Variants in ACAD11 observed in about 807,000 individuals in gnomAD.
ACAD11 encodes acyl-CoA dehydrogenase family member 11, also known as acyl-Coenzyme A dehydrogenase family, member 11.
Under a neutral mutation model 102.2 loss-of-function variants are expected in ACAD11, and 83 were observed. That is an observed-to-expected ratio of 0.81 (90% CI 0.68 to 0.97). The LOEUF is 0.97. ACAD11 is among the 50% of genes least tolerant of loss of function. The pLI is 0.00. For synonymous variants in ACAD11, 324 were observed against 319.8 expected, an observed-to-expected ratio of 1.01 and a Z score of -0.14; for missense variants, 901 against 951.7, an observed-to-expected ratio of 0.95 and a Z score of 0.70.
chr3:132,584,083 TG>T (rs1407885204), intron 13 of ACAD11, among the ~76,000 whole-genome samples: 2 of 152,230 alleles, frequency 1.3e-5, no homozygotes, highest in Non-Finnish European at 2.9e-5. Context: ...GTCCGCTTGG[TG>T]CAGAACTGAG....
intron 1 of ACAD11, among the ~76,000 whole-genome samples, chr3:132,653,980 C>G (rs537944290): frequency 1.3e-5 from 2 of 152,200 alleles, no homozygotes; most frequent in African/African-American, 4.8e-5. Context: ...ACATAACCAA[C>G]TGCTTACTAT....
At chr3:132,573,204 A>G (rs932743161) in intron 17 of ACAD11, among the ~76,000 whole-genome samples, 14 of 151,970 alleles carry the variant, frequency 9.2e-5, no homozygotes, top group Admixed American at 2.0e-4. Flanking sequence ...ATGCTTGGTC[A>G]TGTTTGCCCT....
chr3:132,647,225 C>T (rs1313994158), intron 1 of ACAD11: 1 of 152,124 alleles, frequency 6.6e-6, no homozygotes, highest in Non-Finnish European at 1.5e-5. Context: ...ACTGTCAATA[C>T]AGTACTTGCT....
intron 17 of ACAD11, among the ~76,000 whole-genome samples, chr3:132,570,516 T>C (rs1342845486): frequency 2.0e-5 from 3 of 152,178 alleles, no homozygotes; most frequent in Non-Finnish European, 2.9e-5. Flanking sequence ...TTTTATTTAC[T>C]TTTAACTTTT....
intron 2 of ACAD11, among the ~76,000 whole-genome samples, chr3:132,644,541 G>A (rs1005555417): frequency 2.0e-5 from 3 of 152,094 alleles, no homozygotes; most frequent in East Asian, 1.9e-4. Flanking sequence ...AGCAAACAAC[G>A]TAGAGGAAAA....
At chr3:132,626,542 T>C in intron 9 of ACAD11, 149 bp downstream of exon 9, 2 of 821,874 alleles carry the variant, frequency 2.4e-6, no homozygotes, top group African/African-American at 1.7e-5. Context: ...CCCTTTGTTC[T>C]ATCGTGGCTT....
chr3:132,567,013 C>T (rs111501580), intron 17 of ACAD11, among the ~76,000 whole-genome samples: 3,647 of 152,258 alleles, frequency 0.024, 153 homozygotes, highest in African/African-American at 0.082. Flanking sequence ...GAGTCTCACT[C>T]TATCTCCCAG....
intron 11 of ACAD11, among the ~76,000 whole-genome samples, chr3:132,615,061 A>G (rs981286206): frequency 6.6e-6 from 1 of 152,266 alleles, no homozygotes; most frequent in Non-Finnish European, 1.5e-5. Context: ...GTGCCCAACA[A>G]ACATATGAAA....
At chr3:132,622,617 T>C (rs557433570) in intron 9 of ACAD11, among the ~76,000 whole-genome samples, 2 of 152,320 alleles carry the variant, frequency 1.3e-5, no homozygotes, top group African/African-American at 4.8e-5. Flanking sequence ...CAAAGTTTAT[T>C]TGTGGCACGG....
intron 13 of ACAD11, among the ~76,000 whole-genome samples, chr3:132,598,451 A>C (rs1322277468): frequency 6.6e-6 from 1 of 152,224 alleles, no homozygotes; most frequent in Non-Finnish European, 1.5e-5. Context: ...AGGCACATTA[A>C]CAAGATTTTA....
Position 132,579,218 on chromosome 3 carries a change from T to C in ACAD11, c.1688+274A>G, listed in dbSNP as rs541825323. The C allele has an allele frequency of 2.0e-5, 14 of 691,666 alleles. No homozygotes were observed. In the East Asian group the frequency reaches 3.8e-4, roughly 19 times the overall value. 42.8% of individuals were successfully genotyped at this position (691,666 alleles called of 1,614,324 possible). ...CTTCATTACACAGGTCTGAAAAAATTTGTCTGATAATTTAATCCAAACAGC... is the reference window on the plus strand; with the variant it reads ...CTTCATTACACAGGTCTGAAAAAATCTGTCTGATAATTTAATCCAAACAGC... On this transcript the variant is annotated intron_variant, in intron 14 of 19. Coordinates refer to ENST00000264990, the MANE Select transcript of ACAD11 (RefSeq NM_032169.5).
At chr3:132,570,221 C>A (rs1299932713) in intron 17 of ACAD11, among the ~76,000 whole-genome samples, 1 of 152,134 alleles carries the variant, frequency 6.6e-6, no homozygotes, top group East Asian at 1.9e-4. Flanking sequence ...AGGAGGCATA[C>A]AAAACGTGTC....
At chr3:132,570,334 AATTCTAAACACAGAAT>A (rs1937338252) in intron 17 of ACAD11, among the ~76,000 whole-genome samples, 1 of 152,290 alleles carries the variant, frequency 6.6e-6, no homozygotes, top group Middle Eastern at 3.4e-3. Flanking sequence ...ATTGGTTTCC[AATTCTAAACACAGAAT>A]TGGTGTTTAC....
At chr3:132,618,038 G>T (rs1480115639) in intron 11 of ACAD11, among the ~76,000 whole-genome samples, 1 of 152,028 alleles carries the variant, frequency 6.6e-6, no homozygotes, top group African/African-American at 2.4e-5. Context: ...AAATTTCAGA[G>T]CTCCTCTATT....
intron 17 of ACAD11, among the ~76,000 whole-genome samples, chr3:132,573,219 CAG>C (rs1224781253): frequency 6.6e-6 from 1 of 152,088 alleles, no homozygotes; most frequent in Non-Finnish European, 1.5e-5. Context: ...TGCCCTTCAA[CAG>C]GGGATATTTG....
rs756280004 is a variant in ACAD11, at chr3:132,605,078, G to C, written c.1522+20C>G. ...CGGGACGACTGACTACACAAGGAGA[G>C]AATGGTGATTGGCATTTACCTGTCA... On this transcript the variant is annotated intron_variant, in intron 12 of 19. Coordinates refer to ENST00000264990, the MANE Select transcript of ACAD11 (RefSeq NM_032169.5). 5 of 1,560,092 alleles carry C rather than the reference G, an allele frequency of 3.2e-6. No homozygotes were observed. The Admixed American group carries it at 6.7e-5, about 21-fold the overall frequency.
At chr3:132,602,469 C>T (rs982084992) in intron 13 of ACAD11, among the ~76,000 whole-genome samples, 4 of 152,074 alleles carry the variant, frequency 2.6e-5, no homozygotes, top group Non-Finnish European at 4.4e-5. Flanking sequence ...CATAAAATGT[C>T]CTATTTTCAT....
chr3:132,617,480 C>T (rs1939451940), intron 11 of ACAD11, among the ~76,000 whole-genome samples: 1 of 152,140 alleles, frequency 6.6e-6, no homozygotes, highest in Non-Finnish European at 1.5e-5. Flanking sequence ...ACCCCATATC[C>T]AATGAGGATA....
chr3:132,635,228 G>A (rs1940231424), intron 5 of ACAD11, among the ~76,000 whole-genome samples: 1 of 152,052 alleles, frequency 6.6e-6, no homozygotes, highest in African/African-American at 2.4e-5. Flanking sequence ...AACCTTCACT[G>A]GAGGGTTCTA....
Sources: allele counts gnomAD v4.1 joint callset (sites outside exome capture counted in the v4.1 genomes callset), GRCh38; gene constraint gnomAD v4.1.1; transcripts MANE v1.5; gene names NCBI Gene and HGNC (gene_info 2026-07-23, HGNC 2026-07-21).